Variants in PPARGC1A observed in about 807,000 individuals in gnomAD.
PPARGC1A encodes PPARG coactivator 1 alpha, also known as peroxisome proliferator-activated receptor gamma coactivator 1-alpha.
Under a neutral mutation model 88.7 loss-of-function variants are expected in PPARGC1A, and 25 were observed. The observed-to-expected ratio is 0.28, with a 90% CI of 0.21 to 0.39. The LOEUF is 0.39. PPARGC1A is among the 10% of genes least tolerant of loss of function. The pLI is 1.00. For synonymous variants in PPARGC1A, 363 were observed against 355.6 expected (o/e 1.02, Z -0.24); for missense variants, 880 against 968.7 (o/e 0.91, Z 1.22).
chr4:24,262,480 C>T, the PPARGC1A span, among the ~76,000 whole-genome samples: 1 of 152,128 alleles, frequency 6.6e-6, no homozygotes, highest in African/African-American at 2.4e-5. Flanking sequence ...ATGAAACGAA[C>T]ACATCAATTT....
At chr4:24,042,248 C>G in the PPARGC1A span, among the ~76,000 whole-genome samples, 1 of 152,298 alleles carries the variant, frequency 6.6e-6, no homozygotes, top group Non-Finnish European at 1.5e-5. Context: ...TTTATTAACA[C>G]TGGTGGCTTC....
chr4:24,297,229 T>C, the PPARGC1A span, among the ~76,000 whole-genome samples: 7 of 152,162 alleles, frequency 4.6e-5, no homozygotes, highest in African/African-American at 1.7e-4. Context: ...ACAACCTTGA[T>C]AGTACCAGTG....
intron 2 of PPARGC1A, among the ~76,000 whole-genome samples, chr4:23,859,142 G>A (rs1372901883): frequency 6.6e-6 from 1 of 152,090 alleles, no homozygotes; most frequent in African/African-American, 2.4e-5. Flanking sequence ...AATATTCCCA[G>A]GGAATGTAGT....
chr4:24,114,822 T>C, the PPARGC1A span, among the ~76,000 whole-genome samples: 1 of 152,166 alleles, frequency 6.6e-6, no homozygotes, highest in Non-Finnish European at 1.5e-5. Flanking sequence ...AATTAATGGT[T>C]AGTGGAGGGT....
chr4:24,346,302 G>A, the PPARGC1A span, among the ~76,000 whole-genome samples: 2 of 152,170 alleles, frequency 1.3e-5, no homozygotes, highest in South Asian at 4.1e-4. Flanking sequence ...CATAGAATGA[G>A]TTAGGGAGGG....
chr4:24,235,468 C>A, the PPARGC1A span, among the ~76,000 whole-genome samples: 1 of 152,146 alleles, frequency 6.6e-6, no homozygotes, highest in Non-Finnish European at 1.5e-5. Context: ...CTGTAATTAA[C>A]AATAAGCCTC....
intron 2 of PPARGC1A, among the ~76,000 whole-genome samples, chr4:23,874,728 G>T (rs973854171): frequency 1.3e-5 from 2 of 152,176 alleles, no homozygotes; most frequent in Non-Finnish European, 1.5e-5. Context: ...TCTTGATCAG[G>T]TGCCTGAGAA....
the PPARGC1A span, among the ~76,000 whole-genome samples, chr4:24,344,127 G>A: frequency 6.6e-6 from 1 of 150,670 alleles, no homozygotes; most frequent in African/African-American, 2.4e-5. Context: ...ATATATCACA[G>A]TTTTTTTAAT....
chr4:24,156,425 T>A, the PPARGC1A span, among the ~76,000 whole-genome samples: 1 of 152,070 alleles, frequency 6.6e-6, no homozygotes, highest in Non-Finnish European at 1.5e-5. Context: ...CCTGCTCAAT[T>A]CAACTCAACA....
chr4:24,073,674 C>A, the PPARGC1A span, among the ~76,000 whole-genome samples: 2 of 152,286 alleles, frequency 1.3e-5, no homozygotes, highest in East Asian at 3.9e-4. Context: ...TATCAGGCAG[C>A]TACTACTACT....
chr4:24,399,359 T>G, the PPARGC1A span, among the ~76,000 whole-genome samples: 1 of 152,182 alleles, frequency 6.6e-6, no homozygotes, highest in Non-Finnish European at 1.5e-5. Flanking sequence ...ACTTTTATAA[T>G]GAGAAAAAAG....
chr4:24,131,885 G>A, the PPARGC1A span, among the ~76,000 whole-genome samples: 1 of 152,140 alleles, frequency 6.6e-6, no homozygotes, highest in Non-Finnish European at 1.5e-5. Flanking sequence ...GCTCTGATAT[G>A]TGAATTACAA....
chr4:24,287,673 C>T, the PPARGC1A span, among the ~76,000 whole-genome samples: 465 of 149,014 alleles, frequency 3.1e-3, 3 homozygotes, highest in African/African-American at 0.011. Flanking sequence ...CACAACTGCA[C>T]TCATCTGGTG....
chr4:24,204,201 G>A, the PPARGC1A span, among the ~76,000 whole-genome samples: 113,774 of 152,120 alleles, frequency 0.75, 43,787 homozygotes, highest in Middle Eastern at 0.88. Context: ...AAAGAGTTAA[G>A]GGGCCTACAA....
the PPARGC1A span, among the ~76,000 whole-genome samples, chr4:24,436,371 T>G: frequency 6.6e-6 from 1 of 152,350 alleles, no homozygotes; most frequent in African/African-American, 2.4e-5. Flanking sequence ...TCTGTGCAGC[T>G]CTCACAGGTG....
the PPARGC1A span, among the ~76,000 whole-genome samples, chr4:23,994,510 T>C: frequency 6.6e-6 from 1 of 151,924 alleles, no homozygotes; most frequent in Non-Finnish European, 1.5e-5. Context: ...GGGGGGGCGG[T>C]GAGAAGAGCA....
At chr4:24,435,060 G>A in the PPARGC1A span, among the ~76,000 whole-genome samples, 1 of 152,178 alleles carries the variant, frequency 6.6e-6, no homozygotes, top group Non-Finnish European at 1.5e-5. Context: ...TTCACTGTCT[G>A]TCGTAAGGTT....
At chr4:24,364,581 A>C in the PPARGC1A span, among the ~76,000 whole-genome samples, 1 of 152,194 alleles carries the variant, frequency 6.6e-6, no homozygotes, top group Non-Finnish European at 1.5e-5. Flanking sequence ...TCTAAGAATA[A>C]TAAGAAAAAA....
chr4:24,062,847 C>T, the PPARGC1A span, among the ~76,000 whole-genome samples: 1 of 152,182 alleles, frequency 6.6e-6, no homozygotes, highest in Non-Finnish European at 1.5e-5. Context: ...CATTTAAATT[C>T]TTATTTTTTA....
Sources: gnomAD v4.1 joint callset for allele counts (sites outside exome capture counted in the v4.1 genomes callset) on GRCh38, gnomAD v4.1.1 for gene constraint, MANE v1.5 for transcripts, NCBI Gene and HGNC (gene_info 2026-07-23, HGNC 2026-07-21) for gene names.